SAFB: variants seen among roughly 807,000 people sequenced by gnomAD.
The protein encoded by SAFB is scaffold attachment factor B.
A neutral mutation model predicts 101.6 loss-of-function variants in SAFB; 15 were observed. That is an observed-to-expected ratio of 0.15 (90% CI 0.10 to 0.23). The LOEUF is 0.23. Among genes scored for constraint, SAFB ranks in the 10% least tolerant of loss-of-function variants. The pLI, the probability that SAFB is intolerant of heterozygous loss-of-function variation, is 1.00. For synonymous variants in SAFB, 449 were observed against 407.5 expected, an observed-to-expected ratio of 1.10 and a Z score of -1.23; for missense variants, 930 against 1,104.1, an observed-to-expected ratio of 0.84 and a Z score of 2.23.
chr19:5,634,751 G>T (rs1475230789), intron 2 of SAFB, among the ~76,000 whole-genome samples: 1 of 152,128 alleles, frequency 6.6e-6, no homozygotes, highest in East Asian at 1.9e-4. Flanking sequence ...AAAAGCAGAT[G>T]TGGCCTAGAG....
At chr19:5,643,568 ACTT>A in intron 4 of SAFB, among the ~76,000 whole-genome samples, 1 of 152,182 alleles carries the variant, frequency 6.6e-6, no homozygotes, top group South Asian at 2.1e-4. Flanking sequence ...AGCAGGAGTT[ACTT>A]ACCCTTCCTG....
intron 2 of SAFB, among the ~76,000 whole-genome samples, chr19:5,639,254 A>G (rs2053655569): frequency 6.6e-6 from 1 of 152,244 alleles, no homozygotes; most frequent in Non-Finnish European, 1.5e-5. Flanking sequence ...CTCACTCAAC[A>G]TGAAACTGAG....
chr19:5,639,898 C>T (rs1037759600), intron 2 of SAFB, among the ~76,000 whole-genome samples: 12 of 151,958 alleles, frequency 7.9e-5, no homozygotes, highest in African/African-American at 2.9e-4. Flanking sequence ...AGTGCAACGG[C>T]AGGATCTCGG....
chr19:5,649,088 G>C lies in SAFB; in HGVS notation c.737G>C (p.Ser246Thr). 1 of 457,004 alleles carries C rather than the reference G, an allele frequency of 2.2e-6. No individual in the cohort carries two copies. Among genetic ancestry groups the C allele is most frequent in the Non-Finnish European group, 3.7e-6 (1 of 270,952 alleles). The allele number at this position is 457,004 out of a possible 1,614,324, so 28.3% of individuals were successfully genotyped here. A position where few individuals can be genotyped will look rare whatever the true frequency, so the allele number is the denominator to read the frequency against. ...GAGCAGCCATTTGCACAGGACACAA[G>C]TAGCGTGGGGCCAGACAGAAAGCTT... Reference protein sequence around the residue: ...ELEQPFAQDTSSVGPDRKLAE... With the variant: ...ELEQPFAQDTTSVGPDRKLAE... Residue 246 changes from serine to threonine, a missense_variant, in exon 7 of 21, where the codon AGT (serine) becomes ACT (threonine). Around this residue, in one of 7 missense-constraint regions of SAFB, gnomAD observed 130 missense variants for 114.2 expected, o/e 1.14. Transcript: ENST00000588852.
At chr19:5,646,220 A>G (rs535226205) in intron 5 of SAFB, among the ~76,000 whole-genome samples, 1 of 151,740 alleles carries the variant, frequency 6.6e-6, no homozygotes, top group Non-Finnish European at 1.5e-5. Context: ...CATCTATGTT[A>G]TTGTAATTAG....
At chr19:5,629,832 C>T (rs1266807717) in intron 2 of SAFB, among the ~76,000 whole-genome samples, 6 of 152,046 alleles carry the variant, frequency 3.9e-5, no homozygotes, top group African/African-American at 1.4e-4. Flanking sequence ...CTGAGGTGGG[C>T]GGATCAAAAG....
chr19:5,652,563 G>A lies in SAFB; in HGVS notation c.1294-552G>A, dbSNP rs541716400. 4.6e-5 allele frequency among the ~76,000 whole-genome samples: 7 copies of A among 152,244 alleles called. No individual in the cohort carries two copies. The South Asian group carries it at 1.5e-3, about 32-fold the overall frequency. On this transcript the variant is annotated intron_variant, in intron 9 of 20. Transcript: ENST00000588852. ...ATGGTGTCTTCTGCCGTCAAAGGGC[G>A]ACCCTAACTGCATCCTGCTGGAGTC... is the stretch of plus-strand genomic sequence containing the variant.
At chr19:5,660,704 CAAAAAAAAAAAA>C (rs60011056) in intron 14 of SAFB, among the ~76,000 whole-genome samples, 8 of 76,596 alleles carry the variant, frequency 1.0e-4, no homozygotes, top group African/African-American at 1.4e-4. Flanking sequence ...CCATCTCTAC[CAAAAAAAAAAAA>C]AAAAAAAAAA....
chr19:5,643,873 AG>A (rs1349861301), intron 4 of SAFB, among the ~76,000 whole-genome samples: 1 of 151,648 alleles, frequency 6.6e-6, no homozygotes, highest in Non-Finnish European at 1.5e-5. Flanking sequence ...AAAAAAAAAA[AG>A]AGTTCAGAGG....
chr19:5,660,071 C>T (rs2054160437), intron 14 of SAFB, among the ~76,000 whole-genome samples: 1 of 152,154 alleles, frequency 6.6e-6, no homozygotes, highest in African/African-American at 2.4e-5. Flanking sequence ...GTCCAGAACA[C>T]TATGAGGCAA....
intron 13 of SAFB, among the ~76,000 whole-genome samples, chr19:5,655,411 G>A (rs1186838757): frequency 7.0e-6 from 1 of 142,532 alleles, no homozygotes; most frequent in Non-Finnish European, 1.5e-5. Context: ...AGTGAGCCAC[G>A]TTCATTGCAC....
In SAFB at chr19:5,623,161, G is replaced by C; in HGVS notation, c.-45G>C. 1 of 1,539,266 alleles carries C rather than the reference G, an allele frequency of 6.5e-7. No individual in the cohort carries two copies. The highest frequency in any genetic ancestry group is 8.8e-7 in the Non-Finnish European group (1 of 1,139,030). On this transcript the variant is annotated 5_prime_UTR_variant, in exon 1 of 21. Transcript: ENST00000588852. ...TTTGTGCTAGGAGCCTGATAAAACCGGCCCGGTTCTGTGGAAAGTGGGCGG... is the reference window on the plus strand; with the variant it reads ...TTTGTGCTAGGAGCCTGATAAAACCCGCCCGGTTCTGTGGAAAGTGGGCGG...
chr19:5,635,437 C>T (rs536538946), intron 2 of SAFB, among the ~76,000 whole-genome samples: 5 of 152,036 alleles, frequency 3.3e-5, no homozygotes, highest in Non-Finnish European at 5.9e-5. Flanking sequence ...AGATGATGTC[C>T]TGAGGCACCA....
At chr19:5,633,357 C>T (rs986331339) in intron 2 of SAFB, among the ~76,000 whole-genome samples, 2 of 152,180 alleles carry the variant, frequency 1.3e-5, no homozygotes, top group African/African-American at 2.4e-5. Context: ...TCATGCCATT[C>T]TTGGGATACT....
intron 3 of SAFB, 35 bp downstream of exon 3, chr19:5,641,693 A>T (rs776755838): frequency 6.2e-7 from 1 of 1,613,252 alleles, no homozygotes; most frequent in African/African-American, 1.3e-5. Flanking sequence ...AGCGTGGTGG[A>T]TGGACCAGTG....
At chr19:5,653,996 C>A in intron 11 of SAFB, 65 bp from the exon 12 acceptor site, 1 of 1,520,778 alleles carries the variant, frequency 6.6e-7, no homozygotes, top group South Asian at 1.1e-5. Context: ...CCGCCTCATC[C>A]CCCCAAAGTG....
intron 2 of SAFB, among the ~76,000 whole-genome samples, chr19:5,635,916 C>G (rs954249453): frequency 6.6e-6 from 1 of 152,070 alleles, no homozygotes; most frequent in Non-Finnish European, 1.5e-5. Context: ...ATACTTTTCC[C>G]ATTTGCATTC....
chr19:5,642,133 A>G (rs1417668970), intron 4 of SAFB, 187 bp downstream of exon 4: 4 of 676,138 alleles, frequency 5.9e-6, no homozygotes, highest in African/African-American at 1.8e-5. Flanking sequence ...ATAACATTTC[A>G]TATGTACTTG....
intron 5 of SAFB, among the ~76,000 whole-genome samples, chr19:5,645,815 G>T (rs1021282830): frequency 4.6e-5 from 7 of 152,196 alleles, no homozygotes; most frequent in Admixed American, 2.6e-4. Context: ...GGTTGACAGA[G>T]CCCTGTTGGG....
Sources: gnomAD v4.1 joint callset for allele counts (sites outside exome capture counted in the v4.1 genomes callset) on GRCh38, gnomAD v4.1.1 for gene constraint, gnomAD v4.1.1 regional missense constraint, MANE v1.5 for transcripts, NCBI Gene and HGNC (gene_info 2026-07-23, HGNC 2026-07-21) for gene names.